SCG5: variants seen among roughly 807,000 people sequenced by gnomAD.
SCG5 encodes the protein neuroendocrine protein 7B2.
SCG5 carries 18 observed loss-of-function variants against 25.7 expected under a neutral mutation model. The observed-to-expected ratio is 0.70, with a 90% CI of 0.48 to 1.04. The LOEUF is 1.04. SCG5 is among the 50% of genes least tolerant of loss of function. SCG5 has a pLI of 0.00. For missense variants in SCG5, 206 were observed against 259.8 expected (o/e 0.79, Z 1.42); for synonymous variants, 101 against 91.7 (o/e 1.10, Z -0.58).
chr15:32,652,084 G>A (rs968495577), intron 2 of SCG5, among the ~76,000 whole-genome samples: 2 of 152,212 alleles, frequency 1.3e-5, no homozygotes, highest in African/African-American at 2.4e-5. Context: ...CAGAAAGATA[G>A]AGTGTAATGA....
chr15:32,666,389 A>G (rs2054318468), intron 2 of SCG5: 1 of 152,244 alleles, frequency 6.6e-6, no homozygotes. Context: ...TGCCTGTGGC[A>G]TAGTTAACCT....
At chr15:32,690,029 G>A (rs2054818234) in intron 4 of SCG5, among the ~76,000 whole-genome samples, 1 of 152,078 alleles carries the variant, frequency 6.6e-6, no homozygotes. Flanking sequence ...TTTTAGTAGA[G>A]ACGGGGTTTC....
chr15:32,659,950 C>G (rs577714705), intron 2 of SCG5, among the ~76,000 whole-genome samples: 1 of 152,072 alleles, frequency 6.6e-6, no homozygotes, highest in South Asian at 2.1e-4. Context: ...CTGAATAGCC[C>G]TTGGTCACTG....
chr15:32,651,259 T>A (rs1595790895), intron 2 of SCG5, among the ~76,000 whole-genome samples: 1 of 152,210 alleles, frequency 6.6e-6, no homozygotes, highest in Non-Finnish European at 1.5e-5. Flanking sequence ...GGACTTCAAA[T>A]TTTTCACTTA....
In SCG5 at chr15:32,655,177, G is replaced by A. The variant is rs371803465; in HGVS notation, c.226+11359G>A. ...CAAAAAATTAGCTGGACGTGGTGGC[G>A]GGCACCTGTAGTCCCAGCTACTCAG... On this transcript the variant is annotated intron_variant, in intron 2 of 5. Coordinates refer to ENST00000300175, the MANE Select transcript of SCG5 (RefSeq NM_001144757.3). Among the ~76,000 whole-genome samples, 25 of 152,120 alleles carry A rather than the reference G, an allele frequency of 1.6e-4. No individual in the cohort carries two copies. In the East Asian group the frequency reaches 2.1e-3, roughly 13 times the overall value.
At chr15:32,663,760 A>G (rs1445998340) in intron 2 of SCG5, among the ~76,000 whole-genome samples, 2 of 152,146 alleles carry the variant, frequency 1.3e-5, no homozygotes, top group African/African-American at 4.8e-5. Flanking sequence ...CAAGTTTTGA[A>G]CAGAGGCATG....
At chr15:32,671,629 AT>A (rs2054425661) in intron 2 of SCG5, among the ~76,000 whole-genome samples, 1 of 152,072 alleles carries the variant, frequency 6.6e-6, no homozygotes, top group African/African-American at 2.4e-5. Flanking sequence ...AAGCTGACGA[AT>A]GAGTCCTCTG....
rs984470316 is a variant in SCG5, at chr15:32,680,015, C to G, written c.376+100C>G. The stretch of plus-strand genomic sequence containing the variant: ...CAAATATTCCCAGAAATTGTTATTT[C>G]CATTCTGATGAGCCCATGTGTATTT... On this transcript the variant is annotated intron_variant, in intron 3 of 5. Coordinates refer to ENST00000300175, the MANE Select transcript of SCG5 (RefSeq NM_001144757.3). The G allele has an allele frequency of 1.1e-5, 13 of 1,136,660 alleles. No homozygotes were observed. The African/African-American group carries it at 1.7e-4, about 15-fold the overall frequency. 70.4% of individuals were successfully genotyped at this position (1,136,660 alleles called of 1,614,324 possible).
In SCG5 at chr15:32,657,121, G is replaced by A. The variant is rs78832917; in HGVS notation, c.226+13303G>A. Among the ~76,000 whole-genome samples the A allele has an allele frequency of 2.0e-3, 289 of 142,012 alleles. 1 individual carries two copies. Among genetic ancestry groups the A allele is most frequent in the African/African-American group, 7.2e-3 (279 of 38,772 alleles). 93.2% of individuals were successfully genotyped at this position (142,012 alleles called of 152,430 possible). The stretch of plus-strand genomic sequence containing the variant: ...GTCAAATTAAATAATATATATAAAC[G>A]TATTTTGGAAAGTATAAAATGGTAC... On this transcript the variant is annotated intron_variant, in intron 2 of 5. Coordinates refer to ENST00000300175, the MANE Select transcript of SCG5 (RefSeq NM_001144757.3).
chr15:32,650,436 A>G (rs2054016035), intron 2 of SCG5, among the ~76,000 whole-genome samples: 1 of 152,150 alleles, frequency 6.6e-6, no homozygotes, highest in African/African-American at 2.4e-5. Flanking sequence ...TCAGTTAGCA[A>G]TACAGTTCAG....
chr15:32,655,075 G>A (rs1198636275), intron 2 of SCG5, among the ~76,000 whole-genome samples: 1 of 152,116 alleles, frequency 6.6e-6, no homozygotes, highest in Non-Finnish European at 1.5e-5. Context: ...TTGGGAGGCC[G>A]AGGCGGGCGG....
intron 5 of SCG5, among the ~76,000 whole-genome samples, chr15:32,694,187 T>C (rs1023865745): frequency 1.3e-5 from 2 of 152,202 alleles, no homozygotes; most frequent in African/African-American, 4.8e-5. Flanking sequence ...AATACTCAGT[T>C]AAATATTTAT....
At chr15:32,658,826 C>T (rs2054167077) in intron 2 of SCG5, among the ~76,000 whole-genome samples, 1 of 152,180 alleles carries the variant, frequency 6.6e-6, no homozygotes, top group African/African-American at 2.4e-5. Context: ...GGCACCAACA[C>T]CACGGGGATC....
At chr15:32,678,350 A>G (rs2140567345) in intron 2 of SCG5, among the ~76,000 whole-genome samples, 1 of 152,360 alleles carries the variant, frequency 6.6e-6, no homozygotes, top group Non-Finnish European at 1.5e-5. Flanking sequence ...TGTTCATACA[A>G]ATTGATAAGA....
intron 1 of SCG5, among the ~76,000 whole-genome samples, chr15:32,642,240 A>G (rs749523562): frequency 6.6e-6 from 1 of 152,038 alleles, no homozygotes; most frequent in Middle Eastern, 3.4e-3. Flanking sequence ...CCACCTCTCC[A>G]TCCCCCATCC....
At chr15:32,663,079 AATAT>A (rs368999710) in intron 2 of SCG5, among the ~76,000 whole-genome samples, 1 of 66,022 alleles carries the variant, frequency 1.5e-5, no homozygotes, top group Non-Finnish European at 3.3e-5. Context: ...ATATATATAT[AATAT>A]ATAATATGTT....
At chr15:32,682,814 C>A (rs2054643693) in intron 3 of SCG5, among the ~76,000 whole-genome samples, 1 of 152,202 alleles carries the variant, frequency 6.6e-6, no homozygotes, top group Non-Finnish European at 1.5e-5. Context: ...TCATGCCATG[C>A]TGTCCTCTGA....
At position 32,643,687 on chromosome 15, in the gene SCG5, CT is replaced by C; in HGVS notation, c.96del (p.Asp33ThrfsTer34). 6.2e-7 allele frequency: 1 copy of C among 1,613,956 alleles called. No homozygotes were observed. ...TPAFAYSPRT[P>X]DRVSEADIQR... ...GCATTTGCTTACAGCCCCCGGACCC[CT>C]GACCGGGTCTCAGAAGCAGATATCC... is the stretch of plus-strand genomic sequence containing the variant. On this transcript the variant is annotated frameshift_variant, in exon 2 of 6. Transcript: ENST00000300175. LOFTEE classifies it high-confidence loss of function.
At chr15:32,677,118 A>G in intron 2 of SCG5, among the ~76,000 whole-genome samples, 1 of 152,038 alleles carries the variant, frequency 6.6e-6, no homozygotes, top group East Asian at 1.9e-4. Context: ...AAGAAATAGC[A>G]TTTTTTTTAA....
Sources: gnomAD v4.1 joint callset for allele counts (sites outside exome capture counted in the v4.1 genomes callset) on GRCh38, gnomAD v4.1.1 for gene constraint, MANE v1.5 for transcripts, NCBI Gene and HGNC (gene_info 2026-07-23, HGNC 2026-07-21) for gene names.